The following TTC5 variants were observed in gnomAD, a reference collection of about 807,000 sequenced individuals.
The protein encoded by TTC5 is tetratricopeptide repeat protein 5.
TTC5 carries 46 observed loss-of-function variants against 57.4 expected under a neutral mutation model. The observed-to-expected ratio is 0.80, with a 90% CI of 0.63 to 1.03. The LOEUF (loss-of-function observed/expected upper bound fraction) is 1.03, where lower values mean the gene tolerates loss of function less well. Among genes scored for constraint, TTC5 ranks in the 50% least tolerant of loss-of-function variants. The pLI, the probability that TTC5 is intolerant of heterozygous loss-of-function variation, is 0.00. For synonymous variants in TTC5, 190 were observed against 203.5 expected (o/e 0.93, Z 0.57); for missense variants, 504 against 528.1 (o/e 0.95, Z 0.45).
intron 5 of TTC5, among the ~76,000 whole-genome samples, chr14:20,297,740 T>A (rs1882095990): frequency 6.6e-6 from 1 of 151,338 alleles, no homozygotes; most frequent in Admixed American, 6.6e-5. Context: ...GCCACTGCAC[T>A]CCAGCCTGGG....
Position 20,286,326 on chromosome 14 carries a change from CA to C in TTC5, c.*3300del, listed in dbSNP as rs555025160. 10 of 151,638 alleles carry C rather than the reference CA, an allele frequency of 6.6e-5. No individual in the cohort carries two copies. The East Asian group carries it at 1.9e-3, about 29-fold the overall frequency. The allele number at this position is 151,638 out of a possible 1,614,324, so 9.4% of individuals were successfully genotyped here. ...AGAAGACAACCCAATAAAAATTGGA[CA>C]AAAGAAAACAGAGATTTCATAGAAA... On this transcript the variant is annotated 3_prime_UTR_variant, in exon 10 of 10. Transcript: ENST00000258821.
At chr14:20,298,937 T>C (rs890279790) in intron 4 of TTC5, 49 bp from the exon 5 acceptor site, 6 of 1,369,730 alleles carry the variant, frequency 4.4e-6, no homozygotes, top group Non-Finnish European at 6.2e-6. Context: ...AAGTTCAAGA[T>C]ATGACTTATT....
At chr14:20,300,143 G>GTATGTGTGTGTGTATATATATATATATA (rs56828704) in intron 3 of TTC5, among the ~76,000 whole-genome samples, 1 of 27,148 alleles carries the variant, frequency 3.7e-5, no homozygotes, top group African/African-American at 1.1e-4. Context: ...TCTGGTCCAT[G>GTATGTGTGTGTGTATATATATATATATA]TATATATATA....
intron 8 of TTC5, 41 bp downstream of exon 8, chr14:20,295,271 G>T: frequency 6.3e-7 from 1 of 1,590,306 alleles, no homozygotes; most frequent in Non-Finnish European, 8.6e-7. Context: ...AGAGCAATTA[G>T]TTCAAAAGGG....
intron 2 of TTC5, 86 bp downstream of exon 2, chr14:20,301,747 G>A (rs1467711613): frequency 1.3e-6 from 2 of 1,552,420 alleles, no homozygotes; most frequent in Non-Finnish European, 1.8e-6. Flanking sequence ...GTAACAGATA[G>A]GATACCAAAG....
intron 9 of TTC5, 91 bp from the exon 10 acceptor site, chr14:20,289,837 C>T: frequency 7.3e-7 from 1 of 1,373,746 alleles, no homozygotes; most frequent in South Asian, 1.5e-5. Context: ...CTTTCTGCAC[C>T]ACCTCCCCTG....
chr14:20,299,292 A>G lies in TTC5; in HGVS notation c.547+6T>C. ...AACCTGTTGGAGATCTTTTGAGAGC[A>G]CTCACACCAGGAGCGGCCATCATGG... is the stretch of plus-strand genomic sequence containing the variant. On this transcript the variant is annotated splice_donor_region_variant and intron_variant, in intron 4 of 9. Transcript: ENST00000258821. The G allele has an allele frequency of 6.2e-7, 1 of 1,611,908 alleles. No homozygotes were observed. Among genetic ancestry groups the G allele is most frequent in the Non-Finnish European group, 8.5e-7 (1 of 1,178,516 alleles).
intron 3 of TTC5, 21 bp from the exon 4 acceptor site, chr14:20,299,469 T>C (rs754881164): frequency 6.2e-7 from 1 of 1,611,608 alleles, no homozygotes; most frequent in Admixed American, 1.7e-5. Flanking sequence ...GAAGGGCACA[T>C]ACTCAATCTT....
At chr14:20,293,341 A>G (rs1020582259) in intron 8 of TTC5, 1 of 152,226 alleles carries the variant, frequency 6.6e-6, no homozygotes, top group African/African-American at 2.4e-5. Context: ...AGAAGAAGCT[A>G]GAGATTATCC....
At chr14:20,302,323 C>A (rs1195401064) in intron 1 of TTC5, among the ~76,000 whole-genome samples, 1 of 152,200 alleles carries the variant, frequency 6.6e-6, no homozygotes, top group Non-Finnish European at 1.5e-5. Context: ...TAAGATCATT[C>A]TATATGGTCC....
intron 2 of TTC5, 146 bp from the exon 3 acceptor site, chr14:20,300,964 C>T: frequency 3.0e-6 from 2 of 656,846 alleles, no homozygotes; most frequent in Non-Finnish European, 5.1e-6. Context: ...GAAAGCTCAC[C>T]ATAGGCAGAG....
chr14:20,300,408 T>C (rs1455896509), intron 3 of TTC5, 199 bp downstream of exon 3: 1 of 566,302 alleles, frequency 1.8e-6, no homozygotes, highest in East Asian at 2.9e-5. Context: ...CTGAACCTGA[T>C]CCCATCATCA....
In TTC5 at chr14:20,295,361, TGACG is replaced by T. The variant is rs1319631113; in HGVS notation, c.1005_1008del (p.Val336SerfsTer22). On this transcript the variant is annotated frameshift_variant, in exon 8 of 10. Coordinates refer to ENST00000258821, the MANE Select transcript of TTC5 (RefSeq NM_138376.3). LOFTEE classifies it high-confidence loss of function. Reference sequence around the variant, plus strand: ...AGGCTAAATACCACCTTTCCCAGGATGACGGCACCGCTGTTCACCCCAGGCTGAA... The same window carrying T: ...AGGCTAAATACCACCTTTCCCAGGATGCACCGCTGTTCACCCCAGGCTGAA... 2 of 1,614,062 alleles carry T rather than the reference TGACG, an allele frequency of 1.2e-6. No individual in the cohort carries two copies. Among genetic ancestry groups the T allele is most frequent in the African/African-American group, 2.7e-5 (2 of 74,922 alleles).
chr14:20,289,581 C>A lies in TTC5; in HGVS notation c.*46G>T. 1.3e-6 allele frequency: 2 copies of A among 1,581,030 alleles called. No individual in the cohort carries two copies. The highest frequency in any genetic ancestry group is 2.1e-4 in the Middle Eastern group (1 of 4,832). ...ATGTGGCTGGACCGGCTGTCCAGAG[C>A]CTTGTCTCCTCTCCTCCACTCCCTG... is the stretch of plus-strand genomic sequence containing the variant. On this transcript the variant is annotated 3_prime_UTR_variant, in exon 10 of 10. Coordinates refer to ENST00000258821, the MANE Select transcript of TTC5 (RefSeq NM_138376.3).
At chr14:20,298,589 A>G (rs1882113732) in intron 5 of TTC5, among the ~76,000 whole-genome samples, 3 of 147,780 alleles carry the variant, frequency 2.0e-5, no homozygotes, top group East Asian at 2.0e-4. Context: ...TCCAGCACCA[A>G]TGCGACACGA....
intron 5 of TTC5, among the ~76,000 whole-genome samples, chr14:20,297,324 C>T (rs1425815894): frequency 1.3e-5 from 2 of 152,220 alleles, no homozygotes; most frequent in African/African-American, 2.4e-5. Context: ...TGTGAAGCAA[C>T]TGCTGGCTAT....
In TTC5 at chr14:20,301,966, C is replaced by T; in HGVS notation, c.52-1G>A. On this transcript the variant is annotated splice_acceptor_variant, in intron 1 of 9. Transcript: ENST00000258821. LOFTEE classifies it high-confidence loss of function. ...ATGAGTAGAGCTGATCCACGAGTTC[C>T]TAAAAAGTATGACAATGGAACCATT... 1 of 1,613,836 alleles carries T rather than the reference C, an allele frequency of 6.2e-7. No individual in the cohort carries two copies. Among genetic ancestry groups the T allele is most frequent in the Non-Finnish European group, 8.5e-7 (1 of 1,179,854 alleles).
chr14:20,293,038 A>G (rs899026665), intron 8 of TTC5: 1 of 152,216 alleles, frequency 6.6e-6, no homozygotes, highest in Non-Finnish European at 1.5e-5. Flanking sequence ...TACGCTTAAA[A>G]TTGTACATTT....
In TTC5 at chr14:20,305,931, C is replaced by G; in HGVS notation, c.7G>C (p.Ala3Pro). 4 of 1,614,142 alleles carry G rather than the reference C, an allele frequency of 2.5e-6. No individual in the cohort carries two copies. Among genetic ancestry groups the G allele is most frequent in the Middle Eastern group, 1.6e-4 (1 of 6,062 alleles). ...GGCTTGACTTCTTCCTCTTCATCAGCCATCATCTCCCGGCCACTCCACCCC... is the reference window on the plus strand; with the variant it reads ...GGCTTGACTTCTTCCTCTTCATCAGGCATCATCTCCCGGCCACTCCACCCC... MM[A>P]DEEEEVKPIL... Residue 3 changes from alanine to proline, a missense_variant, in exon 1 of 10, where the codon GCT (alanine) becomes CCT (proline). Ala to Pro is a conservative substitution (Grantham distance 27, BLOSUM62 -1). Coordinates refer to ENST00000258821, the MANE Select transcript of TTC5 (RefSeq NM_138376.3).
Sources: allele counts gnomAD v4.1 joint callset (sites outside exome capture counted in the v4.1 genomes callset), GRCh38; gene constraint gnomAD v4.1.1; transcripts MANE v1.5; gene names NCBI Gene and HGNC (gene_info 2026-07-23, HGNC 2026-07-21).